The following KCNMA1 variants were observed in gnomAD, a reference collection of about 807,000 sequenced individuals.
KCNMA1 encodes Calcium-activated potassium channel subunit alpha-1.
KCNMA1 carries 29 observed loss-of-function variants against 140.0 expected under a neutral mutation model. The observed-to-expected ratio is 0.21, with a 90% CI of 0.15 to 0.28. KCNMA1 has a LOEUF of 0.28. Ranked by LOEUF, KCNMA1 falls within the 10% of genes least tolerant of loss-of-function variation. KCNMA1 has a pLI of 1.00. For synonymous variants in KCNMA1, 612 were observed against 611.9 expected (o/e 1.00, Z 0.00); for missense variants, 880 against 1,602.2 (o/e 0.55, Z 7.70).
chr10:77,383,020 ATATATATATT>A (rs764377516), intron 2 of KCNMA1, among the ~76,000 whole-genome samples: 29 of 121,434 alleles, frequency 2.4e-4, no homozygotes, highest in African/African-American at 3.8e-4. Context: ...ATATATATAT[ATATATATATT>A]CCAAGTGGAG....
chr10:76,967,468 T>C (rs1189793803), intron 20 of KCNMA1, among the ~76,000 whole-genome samples: 1 of 152,120 alleles, frequency 6.6e-6, no homozygotes. Context: ...CATGACTTCA[T>C]TGCCAGTGCC....
intron 2 of KCNMA1, among the ~76,000 whole-genome samples, chr10:77,321,558 A>G (rs1670533805): frequency 6.6e-6 from 1 of 152,208 alleles, no homozygotes; most frequent in Non-Finnish European, 1.5e-5. Flanking sequence ...CAGAACAAGA[A>G]GAGATTTACA....
At chr10:77,252,525 T>TTGTGTGTG (rs139774027) in intron 2 of KCNMA1, among the ~76,000 whole-genome samples, 4,496 of 145,756 alleles carry the variant, frequency 0.031, 114 homozygotes, top group African/African-American at 0.057. Context: ...TGATCAAGCT[T>TTGTGTGTG]TGTGTGTGTG....
At chr10:77,134,603 T>G (rs1335355294) in intron 5 of KCNMA1, among the ~76,000 whole-genome samples, 1 of 152,024 alleles carries the variant, frequency 6.6e-6, no homozygotes, top group Non-Finnish European at 1.5e-5. Context: ...AGGGCAATAA[T>G]TTTTTGGAAA....
At chr10:77,528,874 G>C (rs1264742282) in intron 1 of KCNMA1, among the ~76,000 whole-genome samples, 1 of 152,108 alleles carries the variant, frequency 6.6e-6, no homozygotes, top group African/African-American at 2.4e-5. Flanking sequence ...TCTACTCATA[G>C]GAAATATCCA....
chr10:77,148,053 T>C (rs2098342439), intron 5 of KCNMA1, among the ~76,000 whole-genome samples: 1 of 151,948 alleles, frequency 6.6e-6, no homozygotes, highest in African/African-American at 2.4e-5. Flanking sequence ...GACCCTGCCT[T>C]TGCATAGCCC....
At chr10:77,451,603 G>A (rs1300961932) in intron 1 of KCNMA1, among the ~76,000 whole-genome samples, 2 of 152,290 alleles carry the variant, frequency 1.3e-5, no homozygotes, top group South Asian at 2.1e-4. Flanking sequence ...TCCAAAGGAG[G>A]TGATTCACAA....
In KCNMA1 at chr10:77,431,646, A is replaced by G. The variant is rs544584506; in HGVS notation, c.379-27623T>C. 1.6e-4 allele frequency among the ~76,000 whole-genome samples: 23 copies of G among 139,498 alleles called. 1 individual carries two copies. In the Admixed American group the frequency reaches 1.7e-3, roughly 10 times the overall value. The allele number at this position is 139,498 out of a possible 152,430, so 91.5% of individuals were successfully genotyped here. On this transcript the variant is annotated intron_variant, in intron 1 of 27. Coordinates refer to ENST00000286628, the MANE Select transcript of KCNMA1 (RefSeq NM_001161352.2). ...ACACAAATGCAGCAGCAACTGCTAGATATTTGCAGCATGCCCCTGAAGTCT... is the reference window on the plus strand; with the variant it reads ...ACACAAATGCAGCAGCAACTGCTAGGTATTTGCAGCATGCCCCTGAAGTCT...
At chr10:77,180,795 G>A (rs1327500497) in intron 5 of KCNMA1, among the ~76,000 whole-genome samples, 1 of 152,150 alleles carries the variant, frequency 6.6e-6, no homozygotes, top group Non-Finnish European at 1.5e-5. Flanking sequence ...AGCGACCACA[G>A]TTGATACAAA....
chr10:77,606,031 C>A (rs1204527309), intron 1 of KCNMA1, among the ~76,000 whole-genome samples: 1 of 152,182 alleles, frequency 6.6e-6, no homozygotes, highest in East Asian at 1.9e-4. Context: ...ATGACTATAC[C>A]CACACACTAC....
At chr10:77,090,163 C>T (rs571405962) in intron 10 of KCNMA1, among the ~76,000 whole-genome samples, 1 of 152,198 alleles carries the variant, frequency 6.6e-6, no homozygotes, top group East Asian at 1.9e-4. Flanking sequence ...GGATGTGGTC[C>T]CAGAATCGCC....
At chr10:77,430,896 C>T (rs567775606) in intron 1 of KCNMA1, among the ~76,000 whole-genome samples, 66 of 152,266 alleles carry the variant, frequency 4.3e-4, no homozygotes, top group African/African-American at 1.6e-3. Flanking sequence ...AGGACTTGTC[C>T]ATCAACATGC....
intron 2 of KCNMA1, among the ~76,000 whole-genome samples, chr10:77,353,298 G>A (rs1252652618): frequency 6.6e-6 from 1 of 152,152 alleles, no homozygotes; most frequent in Non-Finnish European, 1.5e-5. Flanking sequence ...CCACTGGACA[G>A]AGGAATAGGA....
At chr10:77,500,473 C>A (rs1416355592) in intron 1 of KCNMA1, among the ~76,000 whole-genome samples, 2 of 152,126 alleles carry the variant, frequency 1.3e-5, no homozygotes, top group Admixed American at 6.6e-5. Context: ...TATAGTGAGA[C>A]ACCATCTCTA....
chr10:77,096,975 G>A (rs2096947954), intron 9 of KCNMA1, among the ~76,000 whole-genome samples: 1 of 152,108 alleles, frequency 6.6e-6, no homozygotes, highest in Non-Finnish European at 1.5e-5. Flanking sequence ...TATCATACAG[G>A]AAGCAGGGCG....
intron 1 of KCNMA1, among the ~76,000 whole-genome samples, chr10:77,574,449 C>T (rs7894241): frequency 0.015 from 2,231 of 152,264 alleles, 64 homozygotes; most frequent in African/African-American, 0.051. Context: ...TTAACACAAA[C>T]ATCCTGTGGA....
Position 77,007,663 on chromosome 10 carries a change from A to G in KCNMA1, c.2092+4304T>C, listed in dbSNP as rs977914702. Among the ~76,000 whole-genome samples, 82 of 124,200 alleles carry G rather than the reference A, an allele frequency of 6.6e-4. 2 individuals carry two copies. Among genetic ancestry groups the G allele is most frequent in the African/African-American group, 1.7e-3 (61 of 34,990 alleles). The allele number at this position is 124,200 out of a possible 152,430, so 81.5% of individuals were successfully genotyped here. On this transcript the variant is annotated intron_variant, in intron 18 of 27. Transcript: ENST00000286628. ...ACATATTGTGTGTGTGTATATATAT[A>G]TATATATATATATGTATCACAACAT...
At chr10:77,572,577 T>TATATATATATAC (rs2071939980) in intron 1 of KCNMA1, among the ~76,000 whole-genome samples, 1 of 78,090 alleles carries the variant, frequency 1.3e-5, no homozygotes, top group Non-Finnish European at 2.4e-5. Flanking sequence ...TCCATATATA[T>TATATATATATAC]ATATATATAT....
intron 1 of KCNMA1, among the ~76,000 whole-genome samples, chr10:77,454,588 C>CTCCTCAT: frequency 6.6e-6 from 1 of 152,272 alleles, no homozygotes; most frequent in South Asian, 2.1e-4. Flanking sequence ...AGTTAGATGA[C>CTCCTCAT]TCCTCATTCC....
Sources: allele counts gnomAD v4.1 joint callset (sites outside exome capture counted in the v4.1 genomes callset), GRCh38; gene constraint gnomAD v4.1.1; transcripts MANE v1.5; gene names NCBI Gene and HGNC (gene_info 2026-07-23, HGNC 2026-07-21).